Variants in HTR2C observed in about 807,000 individuals in gnomAD.
The protein encoded by HTR2C is 5-hydroxytryptamine receptor 2C, also known as 5-hydroxytryptamine (serotonin) receptor 2C, G protein-coupled.
Under a neutral mutation model 21.0 loss-of-function variants are expected in HTR2C, and 5 were observed. The ratio of observed to expected loss-of-function variants is 0.24; its 90% CI spans 0.12 to 0.50. HTR2C has a LOEUF of 0.50. HTR2C is among the 20% of genes least tolerant of loss of function. The pLI is 0.98. For synonymous variants in HTR2C, 150 were observed against 145.3 expected, an observed-to-expected ratio of 1.03 and a Z score of -0.23; for missense variants, 271 against 371.2, an observed-to-expected ratio of 0.73 and a Z score of 2.22.
At chrX:114,883,622 A>G (rs781894318) in intron 5 of HTR2C, among the ~76,000 whole-genome samples, 5 of 109,776 alleles carry the variant, frequency 4.6e-5, no homozygotes, top group Non-Finnish European at 7.7e-5. Context: ...ATTTATGTTT[A>G]TTCACCTAAA....
chrX:114,669,566 G>A (rs967532689), intron 2 of HTR2C, among the ~76,000 whole-genome samples: 16 of 111,447 alleles, frequency 1.4e-4, no homozygotes, highest in South Asian at 7.6e-4. Flanking sequence ...GTGGTGGCAC[G>A]TGCCTGTAAT....
At chrX:114,833,311 C>T (rs1269669052) in intron 4 of HTR2C, among the ~76,000 whole-genome samples, 1 of 101,440 alleles carries the variant, frequency 9.9e-6, no homozygotes, top group Non-Finnish European at 2.0e-5. Context: ...TAGAATTCGC[C>T]TGTGAATCCA....
At chrX:114,677,615 A>G (rs1472838064) in intron 2 of HTR2C, among the ~76,000 whole-genome samples, 1 of 111,591 alleles carries the variant, frequency 9.0e-6, no homozygotes, top group Non-Finnish European at 1.9e-5. Context: ...ATATTTTGAA[A>G]CAACATAAGA....
intron 5 of HTR2C, among the ~76,000 whole-genome samples, chrX:114,893,246 C>T (rs782535060): frequency 1.0e-4 from 11 of 109,953 alleles, no homozygotes; most frequent in Non-Finnish European, 1.5e-4. Context: ...AAGTAATGGA[C>T]CTAGGAGAGT....
chrX:114,757,585 T>C (rs1000943125), intron 4 of HTR2C, among the ~76,000 whole-genome samples: 2 of 111,732 alleles, frequency 1.8e-5, no homozygotes, highest in African/African-American at 3.3e-5. Context: ...TGAACTCAAC[T>C]TGAAATTCTA....
chrX:114,836,328 T>C (rs1313290618), intron 4 of HTR2C, among the ~76,000 whole-genome samples: 9 of 112,010 alleles, frequency 8.0e-5, no homozygotes, highest in Non-Finnish European at 1.9e-5. Flanking sequence ...TGCAGTTTGA[T>C]CTCAGACTGC....
chrX:114,870,069 C>G (rs1427361954), intron 5 of HTR2C, among the ~76,000 whole-genome samples: 1 of 98,969 alleles, frequency 1.0e-5, no homozygotes, highest in African/African-American at 3.7e-5. Context: ...TTGCTATTGT[C>G]CTGTAGTTTT....
intron 4 of HTR2C, among the ~76,000 whole-genome samples, chrX:114,787,883 C>T (rs991708190): frequency 6.2e-4 from 65 of 105,025 alleles, no homozygotes; most frequent in African/African-American, 2.2e-3. Flanking sequence ...GGAGGCAGAG[C>T]TTGCAGTGGG....
At chrX:114,707,593 C>T (rs1298398092) in intron 2 of HTR2C, among the ~76,000 whole-genome samples, 2 of 110,880 alleles carry the variant, frequency 1.8e-5, no homozygotes, top group African/African-American at 6.5e-5. Context: ...TGCTACAATT[C>T]AGCTTCTTTT....
chrX:114,864,106 AAG>A (rs1250168258), intron 5 of HTR2C, among the ~76,000 whole-genome samples: 1 of 109,610 alleles, frequency 9.1e-6, no homozygotes, highest in Non-Finnish European at 1.9e-5. Flanking sequence ...GTTTTTTGAT[AAG>A]AGAATTTAAT....
At position 114,805,663 on chromosome X, in the gene HTR2C, TATATATACACC is replaced by T. The variant is rs1556448609; in HGVS notation, c.350-42332_350-42322del. Among the ~76,000 whole-genome samples the T allele has an allele frequency of 5.9e-4, 14 of 23,878 alleles. 4 individuals are homozygous for T. Among genetic ancestry groups the T allele is most frequent in the Non-Finnish European group, 1.1e-3 (13 of 11,816 alleles). 20.7% of individuals were successfully genotyped at this position (23,878 alleles called of 115,157 possible). A position where few individuals can be genotyped will look rare whatever the true frequency, so the allele number is the denominator to read the frequency against. On this transcript the variant is annotated intron_variant, in intron 4 of 5. Coordinates refer to ENST00000276198, the MANE Select transcript of HTR2C (RefSeq NM_000868.4). ...ATATATATACACCATATATATACCA[TATATATACACC>T]ATATATATACCATATATATACACCA...
At chrX:114,803,164 C>T (rs2147429855) in intron 4 of HTR2C, among the ~76,000 whole-genome samples, 1 of 96,894 alleles carries the variant, frequency 1.0e-5, no homozygotes, top group African/African-American at 3.7e-5. Context: ...CAAGTCTTTG[C>T]TATTGTGAAT....
chrX:114,777,331 A>G (rs2070068822), intron 4 of HTR2C, among the ~76,000 whole-genome samples: 1 of 111,703 alleles, frequency 9.0e-6, no homozygotes, highest in Admixed American at 9.5e-5. Context: ...CAGGCCACCA[A>G]ATATTATTGA....
chrX:114,694,472 T>C (rs1174444707), intron 2 of HTR2C, among the ~76,000 whole-genome samples: 25 of 3,779 alleles, frequency 6.6e-3, no homozygotes, highest in Admixed American at 0.014. Context: ...TATATATATA[T>C]ATATATATAT....
At chrX:114,863,620 T>C (rs1029030228) in intron 5 of HTR2C, among the ~76,000 whole-genome samples, 1 of 111,584 alleles carries the variant, frequency 9.0e-6, no homozygotes, top group Non-Finnish European at 1.9e-5. Flanking sequence ...TGCTGTTGGA[T>C]GTAAAGTTCT....
intron 2 of HTR2C, among the ~76,000 whole-genome samples, chrX:114,682,340 T>C (rs2147855385): frequency 1.8e-5 from 2 of 111,407 alleles, no homozygotes; most frequent in East Asian, 5.7e-4. Flanking sequence ...CAATAACTTT[T>C]TATATATATT....
chrX:114,814,774 A>C (rs2070566053), intron 4 of HTR2C, among the ~76,000 whole-genome samples: 1 of 101,855 alleles, frequency 9.8e-6, no homozygotes, highest in East Asian at 2.9e-4. Flanking sequence ...TAGTATATAT[A>C]ATAATATTAT....
intron 4 of HTR2C, among the ~76,000 whole-genome samples, chrX:114,802,090 T>C (rs782510060): frequency 9.0e-6 from 1 of 111,292 alleles, no homozygotes; most frequent in South Asian, 3.7e-4. Context: ...GGTCCATTTA[T>C]GAAATTTCTT....
At chrX:114,669,830 C>T (rs191640398) in intron 2 of HTR2C, among the ~76,000 whole-genome samples, 153 of 112,691 alleles carry the variant, frequency 1.4e-3, no homozygotes, top group African/African-American at 4.6e-3. Context: ...ATGCATTTTT[C>T]ACTGTCTCCA....
Sources: allele counts gnomAD v4.1 joint callset (sites outside exome capture counted in the v4.1 genomes callset), GRCh38; gene constraint gnomAD v4.1.1; transcripts MANE v1.5; gene names NCBI Gene and HGNC (gene_info 2026-07-23, HGNC 2026-07-21).